RHOG: variants seen among roughly 807,000 people sequenced by gnomAD.
RHOG encodes the protein rho-related GTP-binding protein RhoG.
In RHOG, 1 loss-of-function variant was observed where a neutral mutation model predicts 12.3. The ratio of observed to expected loss-of-function variants is 0.08; its 90% CI spans 0.03 to 0.39. The LOEUF (loss-of-function observed/expected upper bound fraction) is 0.39. Ranked by LOEUF, RHOG falls within the 10% of genes least tolerant of loss-of-function variation. The pLI, the probability that RHOG is intolerant of heterozygous loss-of-function variation, is 0.99. For synonymous variants in RHOG, 129 were observed against 116.0 expected (o/e 1.11, Z -0.72); for missense variants, 114 against 266.2 (o/e 0.43, Z 3.98).
At chr11:3,830,044 G>T (rs1314835991) in intron 1 of RHOG, among the ~76,000 whole-genome samples, 1 of 152,176 alleles carries the variant, frequency 6.6e-6, no homozygotes, top group Non-Finnish European at 1.5e-5. Context: ...ACCATGCCCG[G>T]CCTGGAGCAA....
chr11:3,838,488 G>C (rs1455738865), intron 1 of RHOG, among the ~76,000 whole-genome samples: 1 of 123,956 alleles, frequency 8.1e-6, no homozygotes, highest in Non-Finnish European at 1.8e-5. Flanking sequence ...CTGGGAAAGT[G>C]CCTTGTATGC....
At chr11:3,833,517 T>C (rs2090141550) in intron 1 of RHOG, among the ~76,000 whole-genome samples, 1 of 152,224 alleles carries the variant, frequency 6.6e-6, no homozygotes, top group Admixed American at 6.5e-5. Flanking sequence ...TTCAGAGTTC[T>C]TCACAATTTG....
chr11:3,839,511 C>G (rs1011000409), intron 1 of RHOG, among the ~76,000 whole-genome samples: 1 of 150,264 alleles, frequency 6.7e-6, no homozygotes, highest in African/African-American at 2.5e-5. Context: ...CACACACACA[C>G]ACACACACAC....
chr11:3,836,370 A>G (rs938671401), intron 1 of RHOG, among the ~76,000 whole-genome samples: 20 of 96,000 alleles, frequency 2.1e-4, no homozygotes, highest in African/African-American at 5.3e-4. Context: ...AAAAAAAAAA[A>G]AAAGAAAGAA....
intron 1 of RHOG, among the ~76,000 whole-genome samples, chr11:3,831,694 C>T (rs1040930599): frequency 6.6e-6 from 1 of 152,210 alleles, no homozygotes; most frequent in Non-Finnish European, 1.5e-5. Context: ...GGTGGATGAA[C>T]TAAGACTTAA....
chr11:3,838,548 C>T (rs376420352), intron 1 of RHOG, among the ~76,000 whole-genome samples: 53 of 152,148 alleles, frequency 3.5e-4, no homozygotes, highest in African/African-American at 1.1e-3. Flanking sequence ...GATTTCTTCC[C>T]GGACCCAAAC....
chr11:3,827,538 G>A lies in RHOG; in HGVS notation c.*25C>T, dbSNP rs1210406328. 2 of 1,575,486 alleles carry A rather than the reference G, an allele frequency of 1.3e-6. No individual in the cohort carries two copies. The highest frequency in any genetic ancestry group is 1.7e-5 in the Admixed American group (1 of 59,444). On this transcript the variant is annotated 3_prime_UTR_variant, in exon 2 of 2. Coordinates refer to ENST00000351018, the MANE Select transcript of RHOG (RefSeq NM_001665.4). This position sits in a 1 kb window ranked among gnomAD's most constrained non-coding sequence, Gnocchi z 7.3. ...CACAACTGGTGGGGGGAGGGCAGGG[G>A]CAGCCTCCAAGCCAAGTGCCAGGGT... is the stretch of plus-strand genomic sequence containing the variant.
At chr11:3,839,398 T>C (rs529191762) in intron 1 of RHOG, among the ~76,000 whole-genome samples, 1 of 152,164 alleles carries the variant, frequency 6.6e-6, no homozygotes, top group African/African-American at 2.4e-5. Context: ...TTCTGCTGGC[T>C]TCCCTTGCTC....
At chr11:3,835,733 A>T (rs538812770) in intron 1 of RHOG, among the ~76,000 whole-genome samples, 21 of 152,334 alleles carry the variant, frequency 1.4e-4, no homozygotes, top group African/African-American at 4.8e-4. Flanking sequence ...GATGGGAAGG[A>T]AAAGTGGTCC....
At chr11:3,833,713 A>T (rs1266223653) in intron 1 of RHOG, among the ~76,000 whole-genome samples, 1 of 152,186 alleles carries the variant, frequency 6.6e-6, no homozygotes, top group Admixed American at 6.5e-5. Flanking sequence ...ATTAATGTAT[A>T]ATATGTGCAC....
chr11:3,833,944 AT>A (rs1399982876), intron 1 of RHOG, among the ~76,000 whole-genome samples: 1 of 152,108 alleles, frequency 6.6e-6, no homozygotes, highest in Non-Finnish European at 1.5e-5. Context: ...TTGGATATCC[AT>A]TGCATGGCTA....
rs1410072984 is a variant in RHOG at position 3,840,906 on chromosome 11, C to T, written c.-81G>A. 2 of 152,214 alleles carry T rather than the reference C, an allele frequency of 1.3e-5. No homozygotes were observed. Among genetic ancestry groups the T allele is most frequent in the Non-Finnish European group, 2.9e-5 (2 of 68,096 alleles). The allele number at this position is 152,214 out of a possible 1,614,324, so 9.4% of individuals were successfully genotyped here. The stretch of plus-strand genomic sequence containing the variant: ...GGCCGGGCCTCACCTGGTGCCCTCC[C>T]CGAGGCGGGGGAGCTGGGGGCGGCG... On this transcript the variant is annotated 5_prime_UTR_variant, in exon 1 of 2. Transcript: ENST00000351018.
chr11:3,840,463 G>A (rs1464888252), intron 1 of RHOG: 2 of 152,684 alleles, frequency 1.3e-5, no homozygotes, highest in East Asian at 1.9e-4. Flanking sequence ...CTCACCCCAA[G>A]TGTCACAACT....
chr11:3,827,698 C>T lies in RHOG; in HGVS notation c.441G>A (p.Lys147=), dbSNP rs778194176. The part of the protein sequence containing the change: ...ITPQQGQALA[K]QIHAVRYLEC... ...CGAGGTAGCGCACAGCGTGGATCTG[C>T]TTGGCCAGTGCCTGGCCCTGCTGCG... Residue 147 remains lysine, a synonymous_variant, in exon 2 of 2, where the codon AAG becomes AAA. Coordinates refer to ENST00000351018, the MANE Select transcript of RHOG (RefSeq NM_001665.4). The surrounding 1 kb of genome is among the most constrained non-coding windows in gnomAD (Gnocchi z 7.3). 6 of 1,614,138 alleles carry T rather than the reference C, an allele frequency of 3.7e-6. No homozygotes were observed. The highest frequency in any genetic ancestry group is 3.3e-5 in the South Asian group (3 of 91,086).
At chr11:3,838,857 T>C (rs546508749) in intron 1 of RHOG, among the ~76,000 whole-genome samples, 9 of 152,264 alleles carry the variant, frequency 5.9e-5, no homozygotes, top group African/African-American at 2.2e-4. Context: ...CAGGATGGAC[T>C]GAAGTTAAAT....
At chr11:3,838,191 C>A (rs1188226229) in intron 1 of RHOG, among the ~76,000 whole-genome samples, 1 of 152,240 alleles carries the variant, frequency 6.6e-6, no homozygotes, top group Non-Finnish European at 1.5e-5. Context: ...TTAGCCAAGA[C>A]TTCAGCGGCA....
In RHOG at chr11:3,827,901, T is replaced by C. The variant is rs774063554; in HGVS notation, c.238A>G (p.Ile80Val). The change falls in exon 2 of 2, where the codon ATC (isoleucine) becomes GTC (valine). Residue 80 changes from isoleucine to valine, a missense_variant. Around this residue, in one of 2 missense-constraint regions of RHOG, gnomAD observed 53 missense variants for 164.8 expected, o/e 0.32. Transcript: ENST00000351018. This position sits in a 1 kb window ranked among gnomAD's most constrained non-coding sequence, Gnocchi z 7.3. ...LSYPQTNVFV[I>V]CFSIASPPSY... ...GGCGGACTGGCAATGGAGAAACAGA[T>C]GACGAAAACGTTGGTCTGAGGGTAG... 6 of 1,614,112 alleles carry C rather than the reference T, an allele frequency of 3.7e-6. No individual in the cohort carries two copies. Among genetic ancestry groups the C allele is most frequent in the African/African-American group, 1.3e-5 (1 of 74,934 alleles).
intron 1 of RHOG, among the ~76,000 whole-genome samples, chr11:3,832,019 A>C (rs1013713131): frequency 6.6e-6 from 1 of 152,090 alleles, no homozygotes; most frequent in Non-Finnish European, 1.5e-5. Context: ...TGGGAAGGGA[A>C]CGAGGACCGA....
In RHOG at chr11:3,827,280, T is replaced by G; in HGVS notation, c.*283A>C. The G allele has an allele frequency of 1.3e-5, 6 of 465,136 alleles. No individual in the cohort carries two copies. The highest frequency in any genetic ancestry group is 3.7e-5 in the Admixed American group (1 of 27,314). The allele number at this position is 465,136 out of a possible 1,614,324, so 28.8% of individuals were successfully genotyped here. On this transcript the variant is annotated 3_prime_UTR_variant, in exon 2 of 2. Transcript: ENST00000351018. The surrounding 1 kb of genome is among the most constrained non-coding windows in gnomAD (Gnocchi z 7.3). Reference sequence around the variant, plus strand: ...GGATGAACTGGTCAGTAGCGGAAAATGGGAGGGGGCACTGGGTTGGCCTCT... The same window carrying G: ...GGATGAACTGGTCAGTAGCGGAAAAGGGGAGGGGGCACTGGGTTGGCCTCT...
Sources: gnomAD v4.1 joint callset for allele counts (sites outside exome capture counted in the v4.1 genomes callset) on GRCh38, gnomAD v4.1.1 for gene constraint, gnomAD v4.1.1 regional missense constraint, Gnocchi (gnomAD v3.1) non-coding constraint, MANE v1.5 for transcripts, NCBI Gene and HGNC (gene_info 2026-07-23, HGNC 2026-07-21) for gene names.